The following TCF12 variants were observed in gnomAD, a reference collection of about 807,000 sequenced individuals.
The protein encoded by TCF12 is transcription factor 12.
A neutral mutation model predicts 86.0 loss-of-function variants in TCF12; 45 were observed. That is an observed-to-expected ratio of 0.52 (90% CI 0.41 to 0.67). The LOEUF (loss-of-function observed/expected upper bound fraction) is 0.67, where lower values mean the gene tolerates loss of function less well. TCF12 is among the 30% of genes least tolerant of loss of function. TCF12 has a pLI of 0.00. For synonymous variants in TCF12, 330 were observed against 299.6 expected, an observed-to-expected ratio of 1.10 and a Z score of -1.05; for missense variants, 881 against 859.9, an observed-to-expected ratio of 1.02 and a Z score of -0.31.
At chr15:56,946,134 T>C (rs1339941543) in intron 3 of TCF12, among the ~76,000 whole-genome samples, 2 of 152,188 alleles carry the variant, frequency 1.3e-5, no homozygotes, top group Middle Eastern at 3.2e-3. Context: ...AGATGTATGT[T>C]TATAGTTGTT....
chr15:57,079,706 A>G (rs1461185595), intron 4 of TCF12, among the ~76,000 whole-genome samples: 2 of 152,180 alleles, frequency 1.3e-5, no homozygotes, highest in Admixed American at 6.5e-5. Context: ...AGAGAAGGAA[A>G]TGCCTTTACT....
chr15:57,214,988 A>G (rs1389367447), intron 8 of TCF12, among the ~76,000 whole-genome samples: 1 of 152,180 alleles, frequency 6.6e-6, no homozygotes, highest in Non-Finnish European at 1.5e-5. Context: ...ACTTTAAATA[A>G]TATGCATTGA....
At chr15:57,198,177 T>G (rs1362448559) in intron 8 of TCF12, among the ~76,000 whole-genome samples, 1 of 152,168 alleles carries the variant, frequency 6.6e-6, no homozygotes, top group African/African-American at 2.4e-5. Context: ...AGACAGAGAT[T>G]AATAGCTGAA....
chr15:57,035,198 A>G (rs1183254730), intron 3 of TCF12, among the ~76,000 whole-genome samples: 1 of 152,222 alleles, frequency 6.6e-6, no homozygotes, highest in Non-Finnish European at 1.5e-5. Context: ...AGTTACACAC[A>G]GTGAATGACT....
chr15:57,084,518 A>C (rs1244803402), intron 4 of TCF12, among the ~76,000 whole-genome samples: 1 of 152,162 alleles, frequency 6.6e-6, no homozygotes, highest in Non-Finnish European at 1.5e-5. Context: ...ATCTCCTTTA[A>C]ATCTTGTTAA....
intron 8 of TCF12, among the ~76,000 whole-genome samples, chr15:57,206,000 C>T (rs1366036479): frequency 1.3e-5 from 2 of 152,112 alleles, no homozygotes; most frequent in Non-Finnish European, 2.9e-5. Flanking sequence ...ATTTCATTTA[C>T]AGGTAGCTTT....
At chr15:57,005,231 C>G (rs1037828035) in intron 3 of TCF12, among the ~76,000 whole-genome samples, 6 of 152,220 alleles carry the variant, frequency 3.9e-5, no homozygotes, top group Non-Finnish European at 8.8e-5. Context: ...TTGGAGAACC[C>G]TTGATTAAAC....
chr15:57,106,441 A>C (rs1193346572), intron 5 of TCF12, among the ~76,000 whole-genome samples: 1 of 152,250 alleles, frequency 6.6e-6, no homozygotes, highest in African/African-American at 2.4e-5. Flanking sequence ...AATAGTAGGC[A>C]CTTTTGCGTT....
intron 19 of TCF12, among the ~76,000 whole-genome samples, chr15:57,278,091 C>T (rs1478895110): frequency 6.6e-6 from 1 of 152,138 alleles, no homozygotes; most frequent in East Asian, 1.9e-4. Flanking sequence ...CTCAGCCTCC[C>T]AGGTAGCTGG....
intron 8 of TCF12, among the ~76,000 whole-genome samples, chr15:57,202,472 G>A (rs1430968853): frequency 8.0e-6 from 1 of 124,686 alleles, no homozygotes; most frequent in African/African-American, 3.1e-5. Flanking sequence ...GTCTTGCTCT[G>A]TCTCCCAGGC....
At chr15:57,231,059 C>G (rs1250408361) in intron 8 of TCF12, 93 bp from the exon 9 acceptor site, 2 of 898,492 alleles carry the variant, frequency 2.2e-6, no homozygotes, top group Non-Finnish European at 3.5e-6. Context: ...TTAGATAGGC[C>G]TTTTTAAGCC....
chr15:57,164,570 G>C (rs968512153), intron 5 of TCF12, among the ~76,000 whole-genome samples: 2 of 152,114 alleles, frequency 1.3e-5, no homozygotes, highest in Non-Finnish European at 2.9e-5. Flanking sequence ...CTCCCACCAG[G>C]TCCCTCCCAC....
chr15:57,248,127 T>C, intron 13 of TCF12: 1 of 702,268 alleles, frequency 1.4e-6, no homozygotes, highest in Non-Finnish European at 2.6e-6. Flanking sequence ...TAAAAATTAT[T>C]TTAAGGATCC....
chr15:57,212,661 T>C (rs1417127658), intron 8 of TCF12, among the ~76,000 whole-genome samples: 1 of 152,186 alleles, frequency 6.6e-6, no homozygotes, highest in Non-Finnish European at 1.5e-5. Flanking sequence ...TCTTTCAAAA[T>C]AGGAATTCAG....
At chr15:57,022,062 G>GT (rs2065521991) in intron 3 of TCF12, among the ~76,000 whole-genome samples, 1 of 151,136 alleles carries the variant, frequency 6.6e-6, no homozygotes, top group African/African-American at 2.4e-5. Flanking sequence ...TTTTATGTAT[G>GT]TATGTATGTA....
intron 5 of TCF12, among the ~76,000 whole-genome samples, chr15:57,114,827 A>T (rs117140316): frequency 1.3e-5 from 2 of 152,314 alleles, no homozygotes; most frequent in East Asian, 3.9e-4. Context: ...ATCTAGCATA[A>T]TGCTTTGCCT....
chr15:57,257,679 G>GTATATATATATATATATATA (rs55834033), intron 16 of TCF12, among the ~76,000 whole-genome samples: 136 of 140,316 alleles, frequency 9.7e-4, no homozygotes, highest in African/African-American at 3.6e-3. Flanking sequence ...AAAAAAAAGT[G>GTATATATATATATATATATA]TATATATATA....
chr15:57,216,069 CTTT>C (rs1180409510), intron 8 of TCF12, among the ~76,000 whole-genome samples: 1 of 152,072 alleles, frequency 6.6e-6, no homozygotes, highest in Non-Finnish European at 1.5e-5. Context: ...CACGTTATGG[CTTT>C]TTCTTGCCTA....
At chr15:57,137,698 A>G (rs1349692721) in intron 5 of TCF12, among the ~76,000 whole-genome samples, 1 of 152,092 alleles carries the variant, frequency 6.6e-6, no homozygotes, top group Non-Finnish European at 1.5e-5. Context: ...ATTGGCAGAG[A>G]TTATAATTCT....
Sources: gnomAD v4.1 joint callset for allele counts (sites outside exome capture counted in the v4.1 genomes callset) on GRCh38, gnomAD v4.1.1 for gene constraint, MANE v1.5 for transcripts, NCBI Gene and HGNC (gene_info 2026-07-23, HGNC 2026-07-21) for gene names.